The following DMXL2 variants were observed in gnomAD, a reference collection of about 807,000 sequenced individuals.
DMXL2 encodes the protein dmX-like protein 2.
DMXL2 carries 103 observed loss-of-function variants against 331.1 expected under a neutral mutation model. That is an observed-to-expected ratio of 0.31 (90% CI 0.27 to 0.37). DMXL2 has a LOEUF of 0.37. DMXL2 is among the 10% of genes least tolerant of loss of function. The pLI, the probability that DMXL2 is intolerant of heterozygous loss-of-function variation, is 1.00. For missense variants in DMXL2, 3,171 were observed against 3,642.9 expected (o/e 0.87, Z 3.33); for synonymous variants, 1,281 against 1,252.1 (o/e 1.02, Z -0.49).
intron 29 of DMXL2, among the ~76,000 whole-genome samples, chr15:51,470,523 C>A (rs1395546024): frequency 1.3e-5 from 2 of 152,114 alleles, no homozygotes; most frequent in African/African-American, 2.4e-5. Context: ...GGAGCGGGAT[C>A]AGCGCCTCAA....
chr15:51,469,695 T>G (rs535347591), intron 29 of DMXL2, among the ~76,000 whole-genome samples: 1 of 152,334 alleles, frequency 6.6e-6, no homozygotes, highest in South Asian at 2.1e-4. Flanking sequence ...ATCTTAATGT[T>G]GTTATCACTC....
At chr15:51,612,615 C>T (rs4775963) in intron 1 of DMXL2, among the ~76,000 whole-genome samples, 72,313 of 151,918 alleles carry the variant, frequency 0.48, 17,615 homozygotes, top group Non-Finnish European at 0.52. Flanking sequence ...GGGTGTGGGT[C>T]ACAGAGATCA....
chr15:51,464,862 A>T lies in DMXL2; in HGVS notation c.7621T>A (p.Ser2541Thr), dbSNP rs906687079. ...TTAATCACAGCAATACCTAATGGTG[A>T]TGTTACAGGCAGCTCTACAAGGTGA... Reference protein sequence around the residue: ...GLEFSELPVTSPLGIAVIKNL... With the variant: ...GLEFSELPVTTPLGIAVIKNL... Residue 2541 changes from serine (S) to threonine (T), a missense_variant, in exon 32 of 44, where the codon TCA (serine) becomes ACA (threonine). By Grantham distance (58) the Ser-to-Thr change is moderately conservative (BLOSUM62 1). Coordinates refer to ENST00000560891, the MANE Select transcript of DMXL2 (RefSeq NM_001378457.1). 2 of 1,613,486 alleles carry T rather than the reference A, an allele frequency of 1.2e-6. No individual in the cohort carries two copies. The highest frequency in any genetic ancestry group is 2.7e-5 in the African/African-American group (2 of 74,924).
intron 6 of DMXL2, among the ~76,000 whole-genome samples, chr15:51,556,355 G>GAAAAAAAAAAAAAAAA (rs59460472): frequency 1.0e-4 from 12 of 118,974 alleles, no homozygotes; most frequent in South Asian, 2.6e-4. Flanking sequence ...AAAAAAAAAA[G>GAAAAAAAAAAAAAAAA]AAAAAAAAAA....
intron 3 of DMXL2, 68 bp from the exon 4 acceptor site, chr15:51,565,234 A>C: frequency 1.0e-6 from 1 of 956,698 alleles, no homozygotes. Context: ...ATCCCAAAAC[A>C]CTACCATTTT....
At chr15:51,461,283 C>T (rs552611713) in intron 33 of DMXL2, among the ~76,000 whole-genome samples, 2 of 151,970 alleles carry the variant, frequency 1.3e-5, no homozygotes, top group East Asian at 1.9e-4. Flanking sequence ...GACTAAGGGG[C>T]GGAGAGGGGG....
chr15:51,516,885 T>C (rs1217539698), intron 14 of DMXL2, among the ~76,000 whole-genome samples, 193 bp downstream of exon 14: 1 of 152,232 alleles, frequency 6.6e-6, no homozygotes, highest in Non-Finnish European at 1.5e-5. Flanking sequence ...AATGAGAACA[T>C]ACAGTTCTTG....
intron 22 of DMXL2, among the ~76,000 whole-genome samples, chr15:51,486,813 C>T (rs2042427387): frequency 6.6e-6 from 1 of 152,046 alleles, no homozygotes; most frequent in African/African-American, 2.4e-5. Flanking sequence ...CAGTTCTGAG[C>T]ATTTGAGGTC....
chr15:51,595,480 A>G (rs2052728920), intron 1 of DMXL2, among the ~76,000 whole-genome samples: 1 of 152,242 alleles, frequency 6.6e-6, no homozygotes, highest in Non-Finnish European at 1.5e-5. Context: ...CAATATCGTG[A>G]AAATGGCCAT....
intron 1 of DMXL2, among the ~76,000 whole-genome samples, chr15:51,587,519 T>C (rs555667001): frequency 1.3e-5 from 2 of 152,272 alleles, no homozygotes; most frequent in African/African-American, 4.8e-5. Flanking sequence ...TATGGCTGCA[T>C]AGCATTCCAT....
rs375498287 is a variant in DMXL2, at chr15:51,563,140, A to G, written c.567+241T>C. Among the ~76,000 whole-genome samples the G allele has an allele frequency of 2.6e-5, 4 of 151,336 alleles. No homozygotes were observed. In the East Asian group the frequency reaches 7.7e-4, roughly 29 times the overall value. On this transcript the variant is annotated intron_variant, in intron 6 of 43. Coordinates refer to ENST00000560891, the MANE Select transcript of DMXL2 (RefSeq NM_001378457.1). The stretch of plus-strand genomic sequence containing the variant: ...TTTTTAAACACAAAACTTAGTTTTT[A>G]AAAACGCAAATAAGCCAAGGTCAAA...
At chr15:51,496,015 T>C (rs925248858) in intron 18 of DMXL2, among the ~76,000 whole-genome samples, 1 of 152,072 alleles carries the variant, frequency 6.6e-6, no homozygotes, top group African/African-American at 2.4e-5. Context: ...TATGTATCTA[T>C]TTATTTATTT....
intron 7 of DMXL2, 52 bp from the exon 8 acceptor site, chr15:51,545,818 A>G: frequency 6.7e-7 from 1 of 1,496,478 alleles, no homozygotes; most frequent in Non-Finnish European, 9.1e-7. Flanking sequence ...AATCCCATTA[A>G]CTAATTAATA....
At chr15:51,483,067 C>G (rs902255235) in intron 23 of DMXL2, among the ~76,000 whole-genome samples, 2 of 152,168 alleles carry the variant, frequency 1.3e-5, no homozygotes, top group Non-Finnish European at 2.9e-5. Context: ...AAAAGGTAAA[C>G]AGAAGATCCC....
At chr15:51,498,162 C>T (rs553086333) in intron 18 of DMXL2, among the ~76,000 whole-genome samples, 4 of 152,216 alleles carry the variant, frequency 2.6e-5, no homozygotes, top group African/African-American at 2.4e-5. Flanking sequence ...ATTACTTGAA[C>T]CTGAGAGGTT....
intron 8 of DMXL2, among the ~76,000 whole-genome samples, chr15:51,544,913 A>G (rs1326434892): frequency 6.6e-6 from 1 of 152,100 alleles, no homozygotes; most frequent in African/African-American, 2.4e-5. Flanking sequence ...TAGTAATCTA[A>G]GTTTACTATA....
At chr15:51,613,560 C>T (rs539588039) in intron 1 of DMXL2, among the ~76,000 whole-genome samples, 11 of 152,194 alleles carry the variant, frequency 7.2e-5, no homozygotes, top group South Asian at 2.1e-4. Context: ...GTAAGTTATA[C>T]GAATTCTTCT....
rs531602935 is a variant in DMXL2, at chr15:51,553,843, A to T, written c.568-6435T>A. ...TACCTATAACATACAAAATGTGTTA[A>T]TTTATTGTTTATTTTATTGGAAAAG... On this transcript the variant is annotated intron_variant, in intron 6 of 43. Transcript: ENST00000560891. 4.0e-5 allele frequency among the ~76,000 whole-genome samples: 6 copies of T among 151,474 alleles called. No individual in the cohort carries two copies. The East Asian group carries it at 1.2e-3, about 29-fold the overall frequency.
intron 1 of DMXL2, among the ~76,000 whole-genome samples, chr15:51,593,152 G>A (rs1331572318): frequency 3.5e-4 from 53 of 152,176 alleles, no homozygotes; most frequent in Non-Finnish European, 1.0e-4. Flanking sequence ...CCATCAGTGT[G>A]CTGTATTCAG....
Sources: gnomAD v4.1 joint callset for allele counts (sites outside exome capture counted in the v4.1 genomes callset) on GRCh38, gnomAD v4.1.1 for gene constraint, MANE v1.5 for transcripts, NCBI Gene and HGNC (gene_info 2026-07-23, HGNC 2026-07-21) for gene names.